HDGF: variants seen among roughly 807,000 people sequenced by gnomAD.
HDGF encodes the protein hepatoma-derived growth factor.
A neutral mutation model predicts 30.0 loss-of-function variants in HDGF; 5 were observed. The ratio of observed to expected loss-of-function variants is 0.17; its 90% CI spans 0.09 to 0.35. HDGF has a LOEUF of 0.35. Ranked by LOEUF, HDGF falls within the 10% of genes least tolerant of loss-of-function variation. HDGF has a pLI of 1.00. For missense variants in HDGF, 214 were observed against 302.8 expected, an observed-to-expected ratio of 0.71 and a Z score of 2.18; for synonymous variants, 133 against 112.7, an observed-to-expected ratio of 1.18 and a Z score of -1.14.
chr1:156,757,391 G>A (rs1248935037), upstream of HDGF, among the ~76,000 whole-genome samples: 2 of 151,970 alleles, frequency 1.3e-5, no homozygotes, highest in African/African-American at 2.4e-5. Context: ...GCTTGAACCC[G>A]GGAGGCGGAG....
At chr1:156,752,949 A>G (rs373928493), upstream of HDGF, among the ~76,000 whole-genome samples, 1 of 152,204 alleles carries the variant, frequency 6.6e-6, no homozygotes, top group African/African-American at 2.4e-5. Context: ...GATGTAGCCA[A>G]AAGTTCCAAA....
chr1:156,751,299 C>A lies in HDGF; in HGVS notation c.87+44G>T. On this transcript the variant is annotated intron_variant, in intron 1 of 5. Transcript: ENST00000357325. The surrounding 1 kb of genome is among the most constrained non-coding windows in gnomAD (Gnocchi z 4.7). The stretch of plus-strand genomic sequence containing the variant: ...CGTGCCCTTCCCGGTGTTATGCAAC[C>A]CAAGCCCGCAGGGGGTTAGGGGGCG... The A allele has an allele frequency of 1.3e-6, 2 of 1,593,418 alleles. No homozygotes were observed. The highest frequency in any genetic ancestry group is 2.2e-5 in the South Asian group (2 of 89,270).
chr1:156,755,882 C>G (rs940794186), upstream of HDGF, among the ~76,000 whole-genome samples: 21 of 152,230 alleles, frequency 1.4e-4, no homozygotes, highest in Non-Finnish European at 2.5e-4. Flanking sequence ...TTAGGAAAGA[C>G]ACTTAACTAC....
At chr1:156,752,285 T>A, upstream of HDGF, 1 of 1,551,752 alleles carries the variant, frequency 6.4e-7, no homozygotes, top group Non-Finnish European at 8.7e-7. Context: ...CCGCCTTTGC[T>A]AAGGAGGAAA....
At chr1:156,766,504 A>G (rs1397937197) in intron 1 of HDGF, among the ~76,000 whole-genome samples, 1 of 152,230 alleles carries the variant, frequency 6.6e-6, no homozygotes, top group African/African-American at 2.4e-5. Flanking sequence ...CAAAATCACA[A>G]GCGGACAGGG....
At chr1:156,759,984 T>C (rs1043625457) in intron 1 of HDGF, among the ~76,000 whole-genome samples, 2 of 152,226 alleles carry the variant, frequency 1.3e-5, no homozygotes, top group African/African-American at 4.8e-5. Context: ...TGAGGATCTC[T>C]CACCATTTTT....
chr1:156,752,249 A>G (rs1200570901), upstream of HDGF: 1 of 1,551,794 alleles, frequency 6.4e-7, no homozygotes, highest in Non-Finnish European at 8.7e-7. Context: ...GTGGCCCTGG[A>G]AACGTCGGGG....
intron 1 of HDGF, 31 bp from the exon 2 acceptor site, chr1:156,745,404 A>G: frequency 1.3e-6 from 2 of 1,599,336 alleles, no homozygotes; most frequent in South Asian, 1.1e-5. Context: ...GAGGTTAGCT[A>G]GAGTCCTGAG....
Position 156,744,280 on chromosome 1 carries a change from A to G in HDGF, c.372T>C (p.Asp124=). 2 of 1,613,880 alleles carry G rather than the reference A, an allele frequency of 1.2e-6. No homozygotes were observed. The highest frequency in any genetic ancestry group is 2.7e-5 in the African/African-American group (2 of 74,940). ...PEPEAAEGDG[D]KKGNAEGSSD... ...TGCTGCCCTCTGCATTCCCCTTCTTATCACCGTCACCCTCTGCAGCTTCGG... is the reference window on the plus strand; with the variant it reads ...TGCTGCCCTCTGCATTCCCCTTCTTGTCACCGTCACCCTCTGCAGCTTCGG... The change falls in exon 4 of 6, where the codon GAT becomes GAC. Residue 124 remains aspartate, a synonymous_variant. Coordinates refer to ENST00000357325, the MANE Select transcript of HDGF (RefSeq NM_004494.3).
At chr1:156,748,155 C>G (rs1269246956) in intron 1 of HDGF, among the ~76,000 whole-genome samples, 3 of 152,154 alleles carry the variant, frequency 2.0e-5, no homozygotes, top group Admixed American at 6.5e-5. Flanking sequence ...AGTATAGGCA[C>G]TTGTGGGGAA....
intron 1 of HDGF, among the ~76,000 whole-genome samples, chr1:156,765,458 TTC>T (rs1651339664): frequency 8.9e-6 from 1 of 111,982 alleles, no homozygotes; most frequent in South Asian, 2.9e-4. Context: ...CCTTCTTTCC[TTC>T]TTTCTTTCTT....
upstream of HDGF, among the ~76,000 whole-genome samples, chr1:156,757,305 A>C (rs1180958765): frequency 6.6e-6 from 1 of 151,398 alleles, no homozygotes; most frequent in Non-Finnish European, 1.5e-5. Flanking sequence ...TCTACTAAAA[A>C]AAATGCAAAA....
upstream of HDGF, among the ~76,000 whole-genome samples, chr1:156,754,196 G>A (rs1209257096): frequency 6.6e-6 from 1 of 152,242 alleles, no homozygotes; most frequent in Non-Finnish European, 1.5e-5. Flanking sequence ...TTATAGGCGT[G>A]AGCAACCGCG....
At chr1:156,764,435 G>A (rs888101205) in intron 1 of HDGF, among the ~76,000 whole-genome samples, 16 of 151,760 alleles carry the variant, frequency 1.1e-4, no homozygotes, top group Non-Finnish European at 1.8e-4. Flanking sequence ...GACCTCAGGG[G>A]ATCCGCCCGC....
chr1:156,761,067 T>C (rs1037449335), intron 1 of HDGF, among the ~76,000 whole-genome samples: 13 of 151,826 alleles, frequency 8.6e-5, no homozygotes, highest in Admixed American at 4.6e-4. Context: ...TCCCAGCACA[T>C]TGGGAAGTGG....
Position 156,743,413 on chromosome 1 carries a change from GGA to G in HDGF, c.*34_*35del, listed in dbSNP as rs1259311323. Reference sequence around the variant, plus strand: ...CCCCAGTAGCACCCAGACAGCAGCAGGAACAGGGTGGGGGCTCCTCTTGAAAC... The same window carrying G: ...CCCCAGTAGCACCCAGACAGCAGCAGACAGGGTGGGGGCTCCTCTTGAAAC... On this transcript the variant is annotated 3_prime_UTR_variant, in exon 6 of 6. Transcript: ENST00000357325. 5 of 1,511,694 alleles carry G rather than the reference GGA, an allele frequency of 3.3e-6. No homozygotes were observed. The highest frequency in any genetic ancestry group is 3.5e-6 in the Non-Finnish European group (4 of 1,133,744). The allele number at this position is 1,511,694 out of a possible 1,614,324, so 93.6% of individuals were successfully genotyped here.
At chr1:156,764,336 C>T (rs1033705108) in intron 1 of HDGF, among the ~76,000 whole-genome samples, 7 of 152,086 alleles carry the variant, frequency 4.6e-5, no homozygotes, top group Non-Finnish European at 8.8e-5. Flanking sequence ...TCAAGCGATT[C>T]TCCTGCCTCA....
intron 1 of HDGF, among the ~76,000 whole-genome samples, chr1:156,748,793 G>A (rs1650769813): frequency 1.3e-5 from 2 of 152,228 alleles, no homozygotes; most frequent in Non-Finnish European, 2.9e-5. Context: ...ACCCAGGGCT[G>A]AGGCCTAACC....
upstream of HDGF, among the ~76,000 whole-genome samples, chr1:156,755,891 A>G (rs1040425571): frequency 6.6e-6 from 1 of 152,150 alleles, no homozygotes; most frequent in Non-Finnish European, 1.5e-5. Flanking sequence ...ACACTTAACT[A>G]CCCTGAGCCT....
Sources: allele counts gnomAD v4.1 joint callset (sites outside exome capture counted in the v4.1 genomes callset), GRCh38; gene constraint gnomAD v4.1.1; non-coding constraint Gnocchi (gnomAD v3.1); transcripts MANE v1.5; gene names NCBI Gene and HGNC (gene_info 2026-07-23, HGNC 2026-07-21).